Variants in ITIH6 observed in about 807,000 individuals in gnomAD.
ITIH6 encodes inter-alpha-trypsin inhibitor heavy chain H6.
A neutral mutation model predicts 58.2 loss-of-function variants in ITIH6; 60 were observed. The ratio of observed to expected loss-of-function variants is 1.03; its 90% CI spans 0.84 to 1.28. The LOEUF (loss-of-function observed/expected upper bound fraction) is 1.28, where lower values mean the gene tolerates loss of function less well. ITIH6 is among the 50% of genes most tolerant of loss of function. The probability of loss-of-function intolerance (pLI) is 0.00; values close to 1 mark genes in which losing one functional copy is unlikely to be tolerated. For missense variants in ITIH6, 1,290 were observed against 1,021.1 expected, an observed-to-expected ratio of 1.26 and a Z score of -3.59; for synonymous variants, 493 against 417.4, an observed-to-expected ratio of 1.18 and a Z score of -2.21.
intron 11 of ITIH6, 82 bp from the exon 12 acceptor site, chrX:54,751,462 G>T: frequency 9.2e-7 from 1 of 1,091,126 alleles, no homozygotes; most frequent in Non-Finnish European, 1.2e-6. Context: ...GGCAGATGAA[G>T]TAGTGCAGAT....
At chrX:54,759,148 T>C in intron 7 of ITIH6, 150 bp from the exon 8 acceptor site, 1 of 436,714 alleles carries the variant, frequency 2.3e-6, no homozygotes, top group Non-Finnish European at 3.9e-6. Context: ...ACTTCTCCAC[T>C]CCCACCCAGA....
In ITIH6 at chrX:54,751,198, G is replaced by A; in HGVS notation, c.3535C>T (p.Pro1179Ser). 4 of 1,211,954 alleles carry A rather than the reference G, an allele frequency of 3.3e-6. No individual in the cohort carries two copies. The South Asian group carries it at 7.0e-5, about 21-fold the overall frequency. Reference protein sequence around the residue: ...EGTLRLSWDQPALLKRPQLEL... With the variant: ...EGTLRLSWDQSALLKRPQLEL... The stretch of plus-strand genomic sequence containing the variant: ...AGCTGGGGCCTCTTCAGCAGGGCAG[G>A]TTGGTCCCAGGACAGGCGCAAGGTA... The change falls in exon 12 of 13, where the codon CCT becomes TCT. Residue 1179 changes from proline to serine, a missense_variant. Pro to Ser is a moderately conservative substitution (Grantham distance 74). Transcript: ENST00000218436.
Position 54,797,080 on chromosome X carries a change from TA to T in ITIH6, c.118del (p.Tyr40IlefsTer47). 1.7e-6 allele frequency: 2 copies of T among 1,209,324 alleles called. No individual in the cohort carries two copies. The highest frequency in any genetic ancestry group is 2.2e-6 in the Non-Finnish European group (2 of 894,040). On this transcript the variant is annotated frameshift_variant, in exon 2 of 13. Transcript: ENST00000218436. LOFTEE classifies it high-confidence loss of function. ...SSSTKLLMTS[Y>X]SMRSTVVSRY... ...AGACACCACCGTGGAGCGCATAGAA[TA>T]GCTTGTCATTAACAACTGAGAGAGA...
chrX:54,757,391 G>A lies in ITIH6; in HGVS notation c.2683C>T (p.Pro895Ser), dbSNP rs981002933. The A allele has an allele frequency of 1.7e-6, 2 of 1,210,573 alleles. No individual in the cohort carries two copies. Among genetic ancestry groups the A allele is most frequent in the Non-Finnish European group, 2.2e-6 (2 of 894,895 alleles). ...PLPPRPDRPR[P>S]PLPESLSTFP... ...GTGCTTAGGCTCTCAGGAAGTGGGGGCCTTGGTCTGTCAGGTCTAGGAGGT... is the reference window on the plus strand; with the variant it reads ...GTGCTTAGGCTCTCAGGAAGTGGGGACCTTGGTCTGTCAGGTCTAGGAGGT... Residue 895 changes from proline (P) to serine (S), a missense_variant, in exon 8 of 13, where the codon CCC becomes TCC. By Grantham distance (74) the Pro-to-Ser change is moderately conservative. Coordinates refer to ENST00000218436, the MANE Select transcript of ITIH6 (RefSeq NM_198510.3).
intron 9 of ITIH6, among the ~76,000 whole-genome samples, 166 bp from the exon 10 acceptor site, chrX:54,754,131 C>T (rs1046859575): frequency 8.9e-6 from 1 of 112,120 alleles, no homozygotes; most frequent in Non-Finnish European, 1.9e-5. Context: ...CTAGCCCAAC[C>T]AAACTATTGT....
chrX:54,784,993 C>T (rs1929216624), intron 5 of ITIH6, among the ~76,000 whole-genome samples: 1 of 111,734 alleles, frequency 8.9e-6, no homozygotes, highest in African/African-American at 3.3e-5. Flanking sequence ...TGCATATACA[C>T]AATGGAGTAC....
At position 54,794,762 on chromosome X, in the gene ITIH6, AG is replaced by A. The variant is rs1299042237; in HGVS notation, c.257+2179del. Reference sequence around the variant, plus strand: ...TAACAGGGACAAGCGGGGCTGAACAAGGGTGGATATTCTGCTTGTGCTGGGC... The same window carrying A: ...TAACAGGGACAAGCGGGGCTGAACAAGGTGGATATTCTGCTTGTGCTGGGC... On this transcript the variant is annotated intron_variant, in intron 2 of 12. Transcript: ENST00000218436. Among the ~76,000 whole-genome samples, 13 of 111,283 alleles carry A rather than the reference AG, an allele frequency of 1.2e-4. No individual in the cohort carries two copies. In the East Asian group the frequency reaches 3.7e-3, roughly 32 times the overall value.
intron 6 of ITIH6, among the ~76,000 whole-genome samples, chrX:54,765,906 T>C (rs973760320): frequency 1.8e-5 from 2 of 111,285 alleles, no homozygotes; most frequent in Non-Finnish European, 3.8e-5. Context: ...AACTTGAAAG[T>C]AGTTTATTCC....
At chrX:54,752,392 G>GA (rs1476113471) in intron 11 of ITIH6, among the ~76,000 whole-genome samples, 5 of 111,856 alleles carry the variant, frequency 4.5e-5, no homozygotes, top group Non-Finnish European at 9.4e-5. Flanking sequence ...GGCATTTTAT[G>GA]AAAAGTTTAT....
At chrX:54,777,646 A>G (rs1355894841) in intron 5 of ITIH6, among the ~76,000 whole-genome samples, 1 of 112,400 alleles carries the variant, frequency 8.9e-6, no homozygotes, top group Admixed American at 9.4e-5. Context: ...TAAGTAAGGA[A>G]AGCGAATTAG....
rs376727755 is a variant in ITIH6 at position 54,770,250 on chromosome X, G to T, written c.903+3831C>A. On this transcript the variant is annotated intron_variant, in intron 6 of 12. Coordinates refer to ENST00000218436, the MANE Select transcript of ITIH6 (RefSeq NM_198510.3). The stretch of plus-strand genomic sequence containing the variant: ...CCCTGCTTCGGCTCGCGCATGGTGC[G>T]CGCACCCACTGGCCTGCGCCCACTG... Among the ~76,000 whole-genome samples, 438 of 112,533 alleles carry T rather than the reference G, an allele frequency of 3.9e-3. 2 individuals are homozygous for T. Among genetic ancestry groups the T allele is most frequent in the Middle Eastern group, 9.3e-3 (2 of 216 alleles).
At chrX:54,768,377 T>A (rs1360255437) in intron 6 of ITIH6, among the ~76,000 whole-genome samples, 1 of 88,613 alleles carries the variant, frequency 1.1e-5, no homozygotes, top group Non-Finnish European at 2.1e-5. Context: ...AATTGGAGAA[T>A]TTAGTCCATT....
In ITIH6 at chrX:54,777,398, G is replaced by A. The variant is rs192782769; in HGVS notation, c.787-3201C>T. ...AGGAACTCACTATCCCAAAGTGAAG[G>A]ACACAGGCCTGGTTGTTTTTGACAC... On this transcript the variant is annotated intron_variant, in intron 5 of 12. Transcript: ENST00000218436. 8.9e-5 allele frequency among the ~76,000 whole-genome samples: 10 copies of A among 112,751 alleles called. No homozygotes were observed. The East Asian group carries it at 2.8e-3, about 32-fold the overall frequency.
At chrX:54,788,757 T>G (rs776445719) in intron 4 of ITIH6, 108 bp from the exon 5 acceptor site, 14 of 610,145 alleles carry the variant, frequency 2.3e-5, no homozygotes, top group Admixed American at 5.9e-5. Context: ...GTGAGAAGTC[T>G]AACTCTTCCC....
chrX:54,758,924 G>A lies in ITIH6; in HGVS notation c.1150C>T (p.Pro384Ser). Reference sequence around the variant, plus strand: ...ATAAGAGGGATCCTCCCCACACTGGGGCCCCTCCCAGGCTCCTGGTTGCTA... The same window carrying A: ...ATAAGAGGGATCCTCCCCACACTGGAGCCCCTCCCAGGCTCCTGGTTGCTA... ...NHSNQEPGRG[P>S]SVGRIPLIIF... The change falls in exon 8 of 13, where the codon CCC (proline) becomes TCC (serine). Residue 384 changes from proline (P) to serine (S), a missense_variant. Pro to Ser is a moderately conservative substitution (Grantham distance 74, BLOSUM62 -1). Transcript: ENST00000218436. 1 of 1,206,786 alleles carries A rather than the reference G, an allele frequency of 8.3e-7. No individual in the cohort carries two copies. Among genetic ancestry groups the A allele is most frequent in the Non-Finnish European group, 1.1e-6 (1 of 892,858 alleles).
intron 6 of ITIH6, among the ~76,000 whole-genome samples, chrX:54,768,048 G>T (rs1236879265): frequency 7.9e-5 from 8 of 100,776 alleles, no homozygotes; most frequent in Non-Finnish European, 1.5e-4. Flanking sequence ...AGGTCACTCA[G>T]GACATGCTTT....
chrX:54,758,495 C>A lies in ITIH6; in HGVS notation c.1579G>T (p.Asp527Tyr). 8.3e-7 allele frequency: 1 copy of A among 1,210,527 alleles called. No individual in the cohort carries two copies. Among genetic ancestry groups the A allele is most frequent in the East Asian group, 3.0e-5 (1 of 33,765 alleles). ...CTGTGGTGGGCCACAAGAAGCTGAT[C>A]CTTGGGGCCACGGGCTGCCAGGTGG... is the stretch of plus-strand genomic sequence containing the variant. ...GIHLAARGPK[D>Y]QLLVAHHSEG... The change falls in exon 8 of 13, where the codon GAT (aspartate) becomes TAT (tyrosine). Residue 527 changes from aspartate to tyrosine, a missense_variant. Coordinates refer to ENST00000218436, the MANE Select transcript of ITIH6 (RefSeq NM_198510.3).
Position 54,774,203 on chromosome X carries a change from C to CAAAA in ITIH6, c.787-7_787-6insTTTT. 1.5e-6 allele frequency: 1 copy of CAAAA among 649,241 alleles called. No individual in the cohort carries two copies. The highest frequency in any genetic ancestry group is 2.1e-6 in the Non-Finnish European group (1 of 474,826). The allele number at this position is 649,241 out of a possible 1,213,427, so 53.5% of individuals were successfully genotyped here. On this transcript the variant is annotated splice_region_variant and splice_polypyrimidine_tract_variant and intron_variant, in intron 5 of 12. Transcript: ENST00000218436. ...ATGAAATAGTCATCGTAAATCTGGACCAAAAAAAAAAAAAAAAAAGTAGAA... is the reference window on the plus strand; with the variant it reads ...ATGAAATAGTCATCGTAAATCTGGACAAAACAAAAAAAAAAAAAAAAAAGTAGAA...
intron 6 of ITIH6, among the ~76,000 whole-genome samples, chrX:54,773,419 G>A (rs758852459): frequency 3.6e-5 from 4 of 111,299 alleles, no homozygotes; most frequent in African/African-American, 9.8e-5. Context: ...TCAGCCTTAG[G>A]TCCCAAAGGC....
Sources: gnomAD v4.1 joint callset for allele counts (sites outside exome capture counted in the v4.1 genomes callset) on GRCh38, gnomAD v4.1.1 for gene constraint, MANE v1.5 for transcripts, NCBI Gene and HGNC (gene_info 2026-07-23, HGNC 2026-07-21) for gene names.